Variants in PDE7B observed in about 807,000 individuals in gnomAD.
The protein encoded by PDE7B is 3',5'-cyclic-AMP phosphodiesterase 7B.
In PDE7B, 29 loss-of-function variants were observed where a neutral mutation model predicts 56.2. The observed-to-expected ratio is 0.52, with a 90% confidence interval of 0.38 to 0.70. The LOEUF is 0.70. Ranked by LOEUF, PDE7B falls within the 30% of genes least tolerant of loss-of-function variation. PDE7B has a pLI of 0.00. For missense variants in PDE7B, 490 were observed against 565.0 expected (o/e 0.87, Z 1.35); for synonymous variants, 197 against 196.9 (o/e 1.00, Z 0.00).
At chr6:135,989,103 C>T (rs1369701425) in intron 2 of PDE7B, among the ~76,000 whole-genome samples, 1 of 152,086 alleles carries the variant, frequency 6.6e-6, no homozygotes, top group Non-Finnish European at 1.5e-5. Flanking sequence ...TTTGCCTTCT[C>T]TTCTGAAAAT....
At chr6:136,153,842 G>A (rs955180909) in intron 6 of PDE7B, among the ~76,000 whole-genome samples, 2 of 152,100 alleles carry the variant, frequency 1.3e-5, no homozygotes, top group African/African-American at 2.4e-5. Flanking sequence ...AAATCCCAAC[G>A]CTTCACAAAT....
In PDE7B at chr6:136,191,826, G is replaced by A. The variant is rs1779230401; in HGVS notation, c.1339G>A (p.Gly447Ser). Residue 447 changes from glycine (G) to serine (S), a missense_variant, in exon 13 of 13, where the codon GGC becomes AGC. Gly to Ser is a moderately conservative substitution (Grantham distance 56, BLOSUM62 0). Coordinates refer to ENST00000308191, the MANE Select transcript of PDE7B (RefSeq NM_018945.4). ...AGGGACTGAGAGCGAGGAGCAGGAA[G>A]GCGACAGCCCCTAGGGGCCGGCCCA... ...GQGTESEEQE[G>S]DSP is the part of the protein sequence containing the mutation. 1 of 1,551,292 alleles carries A rather than the reference G, an allele frequency of 6.4e-7. No homozygotes were observed. Among genetic ancestry groups the A allele is most frequent in the Non-Finnish European group, 8.7e-7 (1 of 1,147,874 alleles).
chr6:136,052,626 C>A (rs545976937), intron 2 of PDE7B, among the ~76,000 whole-genome samples: 28 of 150,450 alleles, frequency 1.9e-4, no homozygotes, highest in Admixed American at 9.9e-4. Context: ...AGCCCCCCCC[C>A]ACCCACAGCA....
chr6:136,005,346 T>C (rs1775760603), intron 2 of PDE7B, among the ~76,000 whole-genome samples: 1 of 151,924 alleles, frequency 6.6e-6, no homozygotes, highest in Non-Finnish European at 1.5e-5. Context: ...AAGCCAAAAT[T>C]GACAAATGGG....
At chr6:136,003,771 G>A (rs1390973735) in intron 2 of PDE7B, among the ~76,000 whole-genome samples, 1 of 152,164 alleles carries the variant, frequency 6.6e-6, no homozygotes, top group Non-Finnish European at 1.5e-5. Flanking sequence ...TCTACCAGAG[G>A]TACAAGGAGG....
intron 2 of PDE7B, among the ~76,000 whole-genome samples, chr6:136,060,999 CTCAATAATTAT>C (rs1776828534): frequency 6.6e-6 from 1 of 152,024 alleles, no homozygotes; most frequent in African/African-American, 2.4e-5. Context: ...GTAATAGATG[CTCAATAATTAT>C]TTACTGAATG....
chr6:136,058,170 G>T (rs1020547872), intron 2 of PDE7B, among the ~76,000 whole-genome samples: 49 of 152,230 alleles, frequency 3.2e-4, no homozygotes, highest in African/African-American at 1.1e-3. Context: ...AGATAGGGGG[G>T]AACTCAAAAA....
chr6:136,039,082 C>G (rs1254004780), intron 2 of PDE7B, among the ~76,000 whole-genome samples: 1 of 152,072 alleles, frequency 6.6e-6, no homozygotes, highest in Non-Finnish European at 1.5e-5. Context: ...TGGCAAATGT[C>G]AGCAATATAA....
At chr6:135,942,523 A>G (rs1467589795) in intron 1 of PDE7B, among the ~76,000 whole-genome samples, 1 of 152,096 alleles carries the variant, frequency 6.6e-6, no homozygotes. Context: ...TCTCTTAGCA[A>G]TTTGCAAATA....
chr6:136,077,330 G>GT (rs34660153), intron 2 of PDE7B, among the ~76,000 whole-genome samples: 1 of 152,124 alleles, frequency 6.6e-6, no homozygotes, highest in Non-Finnish European at 1.5e-5. Context: ...AAGATGTGTG[G>GT]TTTTTTTCAA....
Position 136,192,135 on chromosome 6 carries a change from G to A in PDE7B, c.*295G>A. 1 of 432,094 alleles carries A rather than the reference G, an allele frequency of 2.3e-6. No homozygotes were observed. The highest frequency in any genetic ancestry group is 4.6e-5 in the East Asian group (1 of 21,952). 26.8% of individuals were successfully genotyped at this position (432,094 alleles called of 1,614,324 possible). On this transcript the variant is annotated 3_prime_UTR_variant, in exon 13 of 13. Transcript: ENST00000308191. Reference sequence around the variant, plus strand: ...AGAAGACTAGGAGGAAGAATGAGGTGCTCCTGCCGTGTCCGCCTTGTTCCG... The same window carrying A: ...AGAAGACTAGGAGGAAGAATGAGGTACTCCTGCCGTGTCCGCCTTGTTCCG...
rs1774948928 is a variant in PDE7B, at chr6:135,851,920, G to A, written c.-79G>A. 2.0e-6 allele frequency: 2 copies of A among 983,172 alleles called. No homozygotes were observed. The highest frequency in any genetic ancestry group is 2.4e-5 in the East Asian group (1 of 41,812). The allele number at this position is 983,172 out of a possible 1,614,324, so 60.9% of individuals were successfully genotyped here. A position where few individuals can be genotyped will look rare whatever the true frequency, so the allele number is the denominator to read the frequency against. The stretch of plus-strand genomic sequence containing the variant: ...CTGGATGAAGTTGCTGGATTCTGCA[G>A]CACAAGTCTTCATGAACAAGCAGCA... On this transcript the variant is annotated 5_prime_UTR_variant, in exon 1 of 13. Coordinates refer to ENST00000308191, the MANE Select transcript of PDE7B (RefSeq NM_018945.4).
chr6:135,985,120 T>TA (rs1488491561), intron 2 of PDE7B, among the ~76,000 whole-genome samples: 47 of 152,316 alleles, frequency 3.1e-4, no homozygotes, highest in African/African-American at 1.1e-3. Flanking sequence ...CTTTACACTT[T>TA]ATGTTTGCAT....
At chr6:136,140,658 G>A (rs1162206124) in intron 3 of PDE7B, among the ~76,000 whole-genome samples, 4 of 152,120 alleles carry the variant, frequency 2.6e-5, no homozygotes, top group South Asian at 2.1e-4. Flanking sequence ...GCAGTGGTTT[G>A]TAGTTCTCCT....
At chr6:136,123,164 A>C (rs1278357101) in intron 3 of PDE7B, among the ~76,000 whole-genome samples, 1 of 152,228 alleles carries the variant, frequency 6.6e-6, no homozygotes, top group African/African-American at 2.4e-5. Context: ...CAGTCTGGGC[A>C]ACATAGCAAG....
At chr6:136,125,493 G>A (rs1281514402) in intron 3 of PDE7B, among the ~76,000 whole-genome samples, 1 of 152,038 alleles carries the variant, frequency 6.6e-6, no homozygotes, top group Non-Finnish European at 1.5e-5. Flanking sequence ...AAATCCAGGA[G>A]GTCAAGGCTA....
intron 2 of PDE7B, among the ~76,000 whole-genome samples, chr6:136,097,386 G>A (rs1777486011): frequency 6.6e-6 from 1 of 151,968 alleles, no homozygotes; most frequent in South Asian, 2.1e-4. Context: ...AATGATCCTT[G>A]ATACTTACCT....
intron 1 of PDE7B, among the ~76,000 whole-genome samples, chr6:135,897,948 G>A (rs189523464): frequency 2.0e-3 from 307 of 152,292 alleles, no homozygotes; most frequent in Non-Finnish European, 3.7e-3. Context: ...AGCTGCTGCT[G>A]TTCCAGACAT....
intron 2 of PDE7B, among the ~76,000 whole-genome samples, chr6:135,964,383 G>A (rs1774958366): frequency 6.6e-6 from 1 of 152,160 alleles, no homozygotes; most frequent in Admixed American, 6.5e-5. Flanking sequence ...GGGATTAGAG[G>A]CATAAGCCAC....
Sources: gnomAD v4.1 joint callset for allele counts (sites outside exome capture counted in the v4.1 genomes callset) on GRCh38, gnomAD v4.1.1 for gene constraint, MANE v1.5 for transcripts, NCBI Gene and HGNC (gene_info 2026-07-23, HGNC 2026-07-21) for gene names.